Variants in DOCK3 observed in about 807,000 individuals in gnomAD.
DOCK3 encodes the protein dedicator of cytokinesis 3, also known as dedicator of cytokinesis protein 3.
DOCK3 carries 60 observed loss-of-function variants against 265.6 expected under a neutral mutation model. The ratio of observed to expected loss-of-function variants is 0.23; its 90% CI spans 0.18 to 0.28. The LOEUF is 0.28. Among genes scored for constraint, DOCK3 ranks in the 10% least tolerant of loss-of-function variants. DOCK3 has a pLI of 1.00. For synonymous variants in DOCK3, 881 were observed against 938.0 expected (o/e 0.94, Z 1.11); for missense variants, 1,981 against 2,594.3 (o/e 0.76, Z 5.14).
intron 2 of DOCK3, among the ~76,000 whole-genome samples, chr3:50,793,387 T>C (rs1222687284): frequency 6.6e-6 from 1 of 150,866 alleles, no homozygotes; most frequent in Non-Finnish European, 1.5e-5. Context: ...AGGCAGAGTT[T>C]TGCTCTTGTT....
chr3:51,154,045 A>G (rs918909678), intron 10 of DOCK3, among the ~76,000 whole-genome samples: 3 of 152,236 alleles, frequency 2.0e-5, no homozygotes, highest in African/African-American at 7.2e-5. Context: ...CGCAAAGATT[A>G]CATTGGGCCT....
intron 27 of DOCK3, among the ~76,000 whole-genome samples, chr3:51,298,925 G>A (rs534498200): frequency 6.6e-6 from 1 of 152,218 alleles, no homozygotes; most frequent in African/African-American, 2.4e-5. Flanking sequence ...AATCCTTTGG[G>A]TATATACCCA....
chr3:51,013,379 T>G (rs1039251514), intron 5 of DOCK3, among the ~76,000 whole-genome samples: 8 of 152,222 alleles, frequency 5.3e-5, no homozygotes, highest in Non-Finnish European at 1.0e-4. Flanking sequence ...CCTTTCTGTT[T>G]GTTAGTTTTC....
chr3:50,848,114 A>G (rs563332547), intron 3 of DOCK3, among the ~76,000 whole-genome samples: 2 of 152,096 alleles, frequency 1.3e-5, no homozygotes, highest in East Asian at 3.9e-4. Flanking sequence ...TAAGAATAGT[A>G]ACCCCTGATC....
chr3:50,839,529 A>G lies in DOCK3; in HGVS notation c.122-2146A>G, dbSNP rs111722737. ...CGGGACAGTGTTCTGGATTTTGGCC[A>G]TTGTGATAAGGCATGCAGTAGTATC... On this transcript the variant is annotated intron_variant, in intron 2 of 52. Coordinates refer to ENST00000266037, the MANE Select transcript of DOCK3 (RefSeq NM_004947.5). Among the ~76,000 whole-genome samples the G allele has an allele frequency of 5.3e-5, 8 of 152,256 alleles. 2 individuals carry two copies. The highest frequency in any genetic ancestry group is 1.7e-4 in the African/African-American group (7 of 41,564).
intron 5 of DOCK3, among the ~76,000 whole-genome samples, chr3:51,062,610 T>G (rs1452337875): frequency 3.3e-5 from 5 of 152,186 alleles, no homozygotes; most frequent in African/African-American, 1.2e-4. Flanking sequence ...TTGCCTGCTC[T>G]CTAGATCAAA....
At chr3:51,078,756 A>G (rs2082132780) in intron 7 of DOCK3, among the ~76,000 whole-genome samples, 1 of 152,212 alleles carries the variant, frequency 6.6e-6, no homozygotes, top group Non-Finnish European at 1.5e-5. Context: ...AACAACAATA[A>G]TAACAATGCT....
chr3:50,685,488 G>C (rs549115986), intron 1 of DOCK3: 1 of 152,568 alleles, frequency 6.6e-6, no homozygotes, highest in African/African-American at 2.4e-5. Context: ...GATTATGACG[G>C]TTATGATGTT....
At chr3:51,182,040 CAA>C (rs1460211439) in intron 12 of DOCK3, among the ~76,000 whole-genome samples, 1 of 152,076 alleles carries the variant, frequency 6.6e-6, no homozygotes, top group Non-Finnish European at 1.5e-5. Context: ...GTATAAAAAG[CAA>C]AGTCTGTTTT....
intron 4 of DOCK3, among the ~76,000 whole-genome samples, chr3:50,895,346 C>T (rs1170102747): frequency 1.3e-5 from 2 of 151,666 alleles, no homozygotes; most frequent in South Asian, 2.1e-4. Flanking sequence ...ACAGATCACC[C>T]ATCACCTAGG....
intron 35 of DOCK3, among the ~76,000 whole-genome samples, chr3:51,336,546 G>A (rs1560459286): frequency 2.0e-5 from 3 of 152,190 alleles, no homozygotes; most frequent in Non-Finnish European, 4.4e-5. Flanking sequence ...TGCTTCAGAA[G>A]CCTCTTTCTG....
At chr3:51,229,979 T>C (rs781693001) in intron 19 of DOCK3, among the ~76,000 whole-genome samples, 7 of 152,212 alleles carry the variant, frequency 4.6e-5, no homozygotes, top group Non-Finnish European at 8.8e-5. Context: ...TGTGATCGTG[T>C]GGTCTTTCTG....
intron 39 of DOCK3, among the ~76,000 whole-genome samples, 157 bp from the exon 40 acceptor site, chr3:51,350,131 G>T (rs1420635007): frequency 6.6e-6 from 1 of 152,190 alleles, no homozygotes; most frequent in Non-Finnish European, 1.5e-5. Context: ...GAAACTCCCT[G>T]GAGAGAGGCT....
intron 4 of DOCK3, among the ~76,000 whole-genome samples, chr3:50,932,316 G>A (rs1194491484): frequency 6.6e-6 from 1 of 151,992 alleles, no homozygotes; most frequent in Non-Finnish European, 1.5e-5. Flanking sequence ...GAACACAGTG[G>A]TGCTTTGTCA....
intron 4 of DOCK3, among the ~76,000 whole-genome samples, chr3:50,932,654 C>T (rs1287510984): frequency 1.3e-5 from 2 of 152,032 alleles, no homozygotes; most frequent in African/African-American, 2.4e-5. Context: ...TTTTTTTCAT[C>T]TTGGATGTGT....
chr3:50,966,030 CTTT>C (rs34258907), intron 5 of DOCK3, among the ~76,000 whole-genome samples: 11 of 145,446 alleles, frequency 7.6e-5, no homozygotes, highest in Non-Finnish European at 7.6e-5. Flanking sequence ...TCTAAGAGTT[CTTT>C]TTTTTTTTTT....
In DOCK3 at chr3:51,354,866, C is replaced by A; in HGVS notation, c.4108-16C>A. On this transcript the variant is annotated splice_polypyrimidine_tract_variant and intron_variant, in intron 40 of 52. Coordinates refer to ENST00000266037, the MANE Select transcript of DOCK3 (RefSeq NM_004947.5). Reference sequence around the variant, plus strand: ...AAGCAAAGCATACATAGAGTGTGCTCTTCTGTTTGTGGCAGAACAAAGAAT... The same window carrying A: ...AAGCAAAGCATACATAGAGTGTGCTATTCTGTTTGTGGCAGAACAAAGAAT... The A allele has an allele frequency of 6.2e-7, 1 of 1,612,254 alleles. No homozygotes were observed. Among genetic ancestry groups the A allele is most frequent in the South Asian group, 1.1e-5 (1 of 90,742 alleles).
chr3:50,793,450 C>T (rs555896393), intron 2 of DOCK3, among the ~76,000 whole-genome samples: 2 of 151,282 alleles, frequency 1.3e-5, no homozygotes, highest in African/African-American at 4.8e-5. Flanking sequence ...CCTCTACGTC[C>T]TGGCTTCAAG....
At chr3:50,861,492 C>T (rs1169258791) in intron 3 of DOCK3, among the ~76,000 whole-genome samples, 2 of 152,060 alleles carry the variant, frequency 1.3e-5, no homozygotes, top group Non-Finnish European at 2.9e-5. Flanking sequence ...TTTTTCTCTG[C>T]CTCAGTGATG....
Sources: gnomAD v4.1 joint callset for allele counts (sites outside exome capture counted in the v4.1 genomes callset) on GRCh38, gnomAD v4.1.1 for gene constraint, MANE v1.5 for transcripts, NCBI Gene and HGNC (gene_info 2026-07-23, HGNC 2026-07-21) for gene names.